The following DNM3 variants were observed in gnomAD, a reference collection of about 807,000 sequenced individuals.
The protein encoded by DNM3 is dynamin-3.
DNM3 carries 47 observed loss-of-function variants against 101.6 expected under a neutral mutation model. That is an observed-to-expected ratio of 0.46 (90% CI 0.37 to 0.59). The LOEUF (loss-of-function observed/expected upper bound fraction) is 0.59. Among genes scored for constraint, DNM3 ranks in the 20% least tolerant of loss-of-function variants. The pLI, the probability that DNM3 is intolerant of heterozygous loss-of-function variation, is 0.00. For missense variants in DNM3, 849 were observed against 1,085.7 expected (o/e 0.78, Z 3.06); for synonymous variants, 385 against 387.9 (o/e 0.99, Z 0.09).
intron 4 of DNM3, among the ~76,000 whole-genome samples, chr1:172,004,576 C>T (rs567720557): frequency 1.8e-3 from 267 of 151,928 alleles, no homozygotes; most frequent in Non-Finnish European, 2.6e-3. Flanking sequence ...AAGACAGCAA[C>T]AAGGGGGAAT....
At chr1:172,322,703 C>G (rs576308251) in intron 16 of DNM3, among the ~76,000 whole-genome samples, 1 of 152,244 alleles carries the variant, frequency 6.6e-6, no homozygotes, top group South Asian at 2.1e-4. Flanking sequence ...CCCATGCCAA[C>G]CTAAGGCAAA....
At chr1:172,238,611 T>C (rs74468894) in intron 14 of DNM3, among the ~76,000 whole-genome samples, 3,090 of 152,244 alleles carry the variant, frequency 0.02, 103 homozygotes, top group African/African-American at 0.068. Flanking sequence ...TACCTGCTAG[T>C]ATCAGAGATC....
At chr1:172,166,623 G>C (rs529680569) in intron 14 of DNM3, among the ~76,000 whole-genome samples, 1 of 152,150 alleles carries the variant, frequency 6.6e-6, no homozygotes, top group South Asian at 2.1e-4. Flanking sequence ...TCTAGCGCAA[G>C]CAAGGTGCCT....
At position 172,092,836 on chromosome 1, in the gene DNM3, G is replaced by A; in HGVS notation, c.1506G>A (p.Arg502=). ...DFIGFANAQQ[R]SSQVHKKTTV... is the part of the protein sequence containing the mutation. ...TTGCTTTTCTCAGTGCTCAGCAGAG[G>A]AGCAGTCAGGTTCACAAGAAAACCA... Residue 502 remains arginine, a synonymous_variant, in exon 13 of 21, where the codon AGG becomes AGA. Coordinates refer to ENST00000627582, the MANE Select transcript of DNM3 (RefSeq NM_015569.5). The A allele has an allele frequency of 1.1e-5, 17 of 1,558,760 alleles. No homozygotes were observed. Among genetic ancestry groups the A allele is most frequent in the Non-Finnish European group, 1.5e-5 (17 of 1,150,312 alleles).
At chr1:172,260,757 CT>C (rs1161878137) in intron 15 of DNM3, among the ~76,000 whole-genome samples, 4 of 151,964 alleles carry the variant, frequency 2.6e-5, no homozygotes, top group Admixed American at 2.6e-4. Flanking sequence ...TCAGAATCTT[CT>C]TTTTTTCACC....
At chr1:172,068,710 TCCAGAATGG>T in intron 10 of DNM3, 100 bp from the exon 11 acceptor site, 1 of 970,804 alleles carries the variant, frequency 1.0e-6, no homozygotes, top group Non-Finnish European at 1.6e-6. Context: ...CATTTTTGCT[TCCAGAATGG>T]CAATGAATAT....
intron 13 of DNM3, among the ~76,000 whole-genome samples, chr1:172,109,323 G>A (rs2055288373): frequency 1.3e-5 from 2 of 152,164 alleles, no homozygotes; most frequent in African/African-American, 4.8e-5. Context: ...AAGGGAAAAG[G>A]AGGATTTGTT....
chr1:171,889,824 C>T (rs1245585406), intron 1 of DNM3, among the ~76,000 whole-genome samples: 2 of 152,196 alleles, frequency 1.3e-5, no homozygotes, highest in African/African-American at 4.8e-5. Flanking sequence ...ACCGACTGAA[C>T]AGTCATCTGG....
chr1:172,128,854 T>C (rs769892154), intron 13 of DNM3, among the ~76,000 whole-genome samples: 7 of 152,156 alleles, frequency 4.6e-5, no homozygotes, highest in Non-Finnish European at 7.4e-5. Context: ...CCTTTTAACT[T>C]TATACATCAT....
intron 11 of DNM3, among the ~76,000 whole-genome samples, chr1:172,079,931 G>A (rs937609625): frequency 6.6e-6 from 1 of 152,142 alleles, no homozygotes; most frequent in Non-Finnish European, 1.5e-5. Context: ...GACCCTGTTT[G>A]CCTGGGTATC....
At chr1:172,160,823 A>G (rs995116081) in intron 14 of DNM3, among the ~76,000 whole-genome samples, 21 of 152,086 alleles carry the variant, frequency 1.4e-4, no homozygotes, top group Admixed American at 6.6e-5. Flanking sequence ...TAAGACTGGC[A>G]GCACAGTAAG....
At chr1:172,183,521 G>C (rs1016993131) in intron 14 of DNM3, among the ~76,000 whole-genome samples, 3 of 152,074 alleles carry the variant, frequency 2.0e-5, no homozygotes, top group African/African-American at 7.2e-5. Flanking sequence ...TAAGGAATGT[G>C]CTTGGTCTGG....
intron 17 of DNM3, among the ~76,000 whole-genome samples, chr1:172,330,993 C>A (rs2066158421): frequency 6.6e-6 from 1 of 152,086 alleles, no homozygotes; most frequent in Non-Finnish European, 1.5e-5. Context: ...TTTACTCTGC[C>A]TGTGCAAATA....
chr1:171,878,097 A>G (rs1250627436), intron 1 of DNM3, among the ~76,000 whole-genome samples: 2 of 147,832 alleles, frequency 1.4e-5, no homozygotes, highest in Non-Finnish European at 3.0e-5. Flanking sequence ...TAAAATTTTT[A>G]TTTAAAAATA....
chr1:171,975,681 A>T (rs192863709), intron 2 of DNM3, among the ~76,000 whole-genome samples: 1 of 152,384 alleles, frequency 6.6e-6, no homozygotes, highest in Admixed American at 6.5e-5. Context: ...AATGTTGCAG[A>T]TAAAGATTCA....
intron 4 of DNM3, among the ~76,000 whole-genome samples, chr1:172,002,287 G>A (rs2046402632): frequency 6.6e-6 from 1 of 152,084 alleles, no homozygotes; most frequent in South Asian, 2.1e-4. Flanking sequence ...TAGAAGCCAT[G>A]TTTTGACTTC....
chr1:172,108,234 T>C (rs951672088), intron 13 of DNM3, among the ~76,000 whole-genome samples: 2 of 152,200 alleles, frequency 1.3e-5, no homozygotes, highest in Non-Finnish European at 1.5e-5. Flanking sequence ...ATAGTAGCTC[T>C]ACATGTCAGT....
chr1:172,168,789 C>A (rs1314423132), intron 14 of DNM3, among the ~76,000 whole-genome samples: 1 of 151,884 alleles, frequency 6.6e-6, no homozygotes, highest in Non-Finnish European at 1.5e-5. Flanking sequence ...CCTATAGAGT[C>A]CTGCTCTGAT....
chr1:172,193,765 G>A (rs2059833151), intron 14 of DNM3, among the ~76,000 whole-genome samples: 1 of 151,734 alleles, frequency 6.6e-6, no homozygotes. Flanking sequence ...TTCTTTATTA[G>A]TCTTGCTAGC....
Sources: allele counts gnomAD v4.1 joint callset (sites outside exome capture counted in the v4.1 genomes callset), GRCh38; gene constraint gnomAD v4.1.1; transcripts MANE v1.5; gene names NCBI Gene and HGNC (gene_info 2026-07-23, HGNC 2026-07-21).